EPG5: variants seen among roughly 807,000 people sequenced by gnomAD.
EPG5 encodes ectopic P granules protein 5 homolog.
Under a neutral mutation model 302.7 loss-of-function variants are expected in EPG5, and 159 were observed. The ratio of observed to expected loss-of-function variants is 0.53; its 90% CI spans 0.46 to 0.60. EPG5 has a LOEUF of 0.60. Among genes scored for constraint, EPG5 ranks in the 20% least tolerant of loss-of-function variants. The probability of loss-of-function intolerance (pLI) is 0.00; values close to 1 mark genes in which losing one functional copy is unlikely to be tolerated. For synonymous variants in EPG5, 1,158 were observed against 1,136.8 expected, an observed-to-expected ratio of 1.02 and a Z score of -0.37; for missense variants, 2,896 against 3,092.4, an observed-to-expected ratio of 0.94 and a Z score of 1.51.
At chr18:45,869,104 T>C (rs1599452057) in intron 36 of EPG5, among the ~76,000 whole-genome samples, 1 of 151,744 alleles carries the variant, frequency 6.6e-6, no homozygotes, top group Non-Finnish European at 1.5e-5. Context: ...CTATAAAGTA[T>C]ATAAGAAACC....
chr18:45,917,032 C>T (rs777168782), intron 17 of EPG5, among the ~76,000 whole-genome samples: 2 of 152,180 alleles, frequency 1.3e-5, no homozygotes, highest in Non-Finnish European at 2.9e-5. Flanking sequence ...GGGGGAGAAA[C>T]CTGGGAATCC....
chr18:45,884,686 C>A lies in EPG5; in HGVS notation c.5235G>T (p.Gln1745His), dbSNP rs757506077. ...TPNAAPAEFI[Q>H]LYEQVVKFLS... Reference sequence around the variant, plus strand: ...GAAACTTCACCACTTGCTCATACAGCTGTATGAACTCTGCAGGTGCAGCAT... The same window carrying A: ...GAAACTTCACCACTTGCTCATACAGATGTATGAACTCTGCAGGTGCAGCAT... Residue 1745 changes from glutamine to histidine, a missense_variant, in exon 30 of 44, where the codon CAG becomes CAT. Gln to His is a conservative substitution (Grantham distance 24). Coordinates refer to ENST00000282041, the MANE Select transcript of EPG5 (RefSeq NM_020964.3). 5.6e-6 allele frequency: 9 copies of A among 1,611,746 alleles called. No individual in the cohort carries two copies. In the East Asian group the frequency reaches 1.3e-4, roughly 24 times the overall value.
intron 7 of EPG5, among the ~76,000 whole-genome samples, chr18:45,946,392 AT>A (rs2050784585): frequency 6.6e-6 from 1 of 152,220 alleles, no homozygotes; most frequent in African/African-American, 2.4e-5. Context: ...GAACAGAATG[AT>A]ATTCTAGAGA....
In EPG5 at chr18:45,865,765, C is replaced by CAAAAAAAAAAAA. The variant is rs11333207; in HGVS notation, c.6622-18_6622-7dup. On this transcript the variant is annotated splice_region_variant and splice_polypyrimidine_tract_variant and intron_variant, in intron 38 of 43. Coordinates refer to ENST00000282041, the MANE Select transcript of EPG5 (RefSeq NM_020964.3). ...TGGCATTTTGGAACTGCATCCTGAC[C>CAAAAAAAAAAAA]AAAAAAAAAAAAAAAAATCATTCAA... 406 of 1,411,396 alleles carry CAAAAAAAAAAAA rather than the reference C, an allele frequency of 2.9e-4. 1 individual carries two copies. In the African/African-American group the frequency reaches 5.5e-3, roughly 19 times the overall value. 87.4% of individuals were successfully genotyped at this position (1,411,396 alleles called of 1,614,324 possible). A position where few individuals can be genotyped will look rare whatever the true frequency, so the allele number is the denominator to read the frequency against.
chr18:45,819,131 T>C, the EPG5 span, among the ~76,000 whole-genome samples: 26 of 152,346 alleles, frequency 1.7e-4, no homozygotes, highest in African/African-American at 6.3e-4. Context: ...AACTTAGAAA[T>C]ATCTCCATTT....
In EPG5 at chr18:45,922,535, G is replaced by T. The variant is rs1454534885; in HGVS notation, c.2904C>A (p.Ala968=). 2 of 1,614,140 alleles carry T rather than the reference G, an allele frequency of 1.2e-6. No homozygotes were observed. The highest frequency in any genetic ancestry group is 1.7e-6 in the Non-Finnish European group (2 of 1,180,020). ...GTTTTAGCCTCAAGATTAAATTCCA[G>T]GCCCATTGGTTAAATGAGGTCTCGG... is the stretch of plus-strand genomic sequence containing the variant. ...ETPETSFNQW[A]WNLILRLKLH... The change falls in exon 16 of 44, where the codon GCC becomes GCA. Residue 968 remains alanine, a synonymous_variant. Transcript: ENST00000282041.
intron 11 of EPG5, 93 bp downstream of exon 11, chr18:45,934,716 T>G: frequency 7.2e-7 from 1 of 1,391,688 alleles, no homozygotes; most frequent in Non-Finnish European, 9.7e-7. Flanking sequence ...TAAAACATTT[T>G]CTCTTAGTCC....
At chr18:45,936,853 C>T (rs1305610771) in intron 10 of EPG5, among the ~76,000 whole-genome samples, 1 of 147,314 alleles carries the variant, frequency 6.8e-6, no homozygotes, top group African/African-American at 2.5e-5. Context: ...ACAACTACTA[C>T]AAATCATCCA....
rs778365667 is a variant in EPG5 at position 45,852,661 on chromosome 18, G to A, written c.7558-12C>T. On this transcript the variant is annotated splice_polypyrimidine_tract_variant and intron_variant, in intron 43 of 43. Transcript: ENST00000282041. Reference sequence around the variant, plus strand: ...AGAGCATTCAGAGCCTAAAAGACACGGAAGATGAGAGGGTTAACTCCATAG... The same window carrying A: ...AGAGCATTCAGAGCCTAAAAGACACAGAAGATGAGAGGGTTAACTCCATAG... 50 of 1,611,952 alleles carry A rather than the reference G, an allele frequency of 3.1e-5. No individual in the cohort carries two copies. The highest frequency in any genetic ancestry group is 4.1e-5 in the Non-Finnish European group (48 of 1,178,768).
At chr18:45,949,383 C>CT (rs2050854243) in intron 5 of EPG5, 101 bp downstream of exon 5, 1 of 641,218 alleles carries the variant, frequency 1.6e-6, no homozygotes, top group Non-Finnish European at 2.6e-6. Context: ...AAATATTACT[C>CT]TTTTTTAAAT....
rs762230398 is a variant in EPG5, at chr18:45,866,948, A to G, written c.6471T>C (p.Asp2157=). The G allele has an allele frequency of 6.2e-7, 1 of 1,614,230 alleles. No homozygotes were observed. Among genetic ancestry groups the G allele is most frequent in the Non-Finnish European group, 8.5e-7 (1 of 1,180,036 alleles). ...QTSSLSWHLV[D]IVSYQSVLSY... ...TTAGCACACTCTGGTACGACACAATATCCACAAGATGCCATGAAAGTGAGC... is the reference window on the plus strand; with the variant it reads ...TTAGCACACTCTGGTACGACACAATGTCCACAAGATGCCATGAAAGTGAGC... Residue 2157 remains aspartate (D), a synonymous_variant, in exon 38 of 44, where the codon GAT becomes GAC. Coordinates refer to ENST00000282041, the MANE Select transcript of EPG5 (RefSeq NM_020964.3).
chr18:45,908,273 C>G (rs971041628), intron 23 of EPG5, among the ~76,000 whole-genome samples, 192 bp from the exon 24 acceptor site: 45 of 151,948 alleles, frequency 3.0e-4, no homozygotes, highest in African/African-American at 1.1e-3. Flanking sequence ...ACAGATTATT[C>G]AAATATGATG....
intron 1 of EPG5, among the ~76,000 whole-genome samples, chr18:45,960,711 G>A (rs939894179): frequency 6.6e-6 from 1 of 152,126 alleles, no homozygotes; most frequent in Non-Finnish European, 1.5e-5. Flanking sequence ...TTATTTCCAG[G>A]AGATGGAATT....
At chr18:45,800,827 A>G in the EPG5 span, among the ~76,000 whole-genome samples, 1 of 152,178 alleles carries the variant, frequency 6.6e-6, no homozygotes, top group Non-Finnish European at 1.5e-5. Context: ...ACGATGTTCA[A>G]AGAAAGTTCA....
At chr18:45,962,457 G>A (rs151002678) in intron 1 of EPG5, among the ~76,000 whole-genome samples, 5 of 152,306 alleles carry the variant, frequency 3.3e-5, no homozygotes, top group East Asian at 1.9e-4. Flanking sequence ...AGAATCTACT[G>A]TACTTATAAA....
Position 45,851,340 on chromosome 18 carries a change from CAAG to C in EPG5, c.*1124_*1126del, listed in dbSNP as rs1227481643. ...TCATTCCCAGGAGAAATAACATGAG[CAAG>C]AAGATGGCCACAGAACAAGGCAAAG... On this transcript the variant is annotated 3_prime_UTR_variant, in exon 44 of 44. Transcript: ENST00000282041. The C allele has an allele frequency of 6.6e-6, 1 of 152,076 alleles. No individual in the cohort carries two copies. Among genetic ancestry groups the C allele is most frequent in the African/African-American group, 2.4e-5 (1 of 41,382 alleles). 9.4% of individuals were successfully genotyped at this position (152,076 alleles called of 1,614,324 possible). A position where few individuals can be genotyped will look rare whatever the true frequency, so the allele number is the denominator to read the frequency against.
rs1568103466 is a variant in EPG5 at position 45,866,976 on chromosome 18, G to A, written c.6443C>T (p.Thr2148Ile). Reference sequence around the variant, plus strand: ...CACAAGATGCCATGAAAGTGAGCTTGTCTGTCCAAGGAGACTAAGTAAAGG... The same window carrying A: ...CACAAGATGCCATGAAAGTGAGCTTATCTGTCCAAGGAGACTAAGTAAAGG... ...DSPLLSLLGQTSSLSWHLVDI... is the reference protein window; with the variant it reads ...DSPLLSLLGQISSLSWHLVDI... Residue 2148 changes from threonine to isoleucine, a missense_variant, in exon 38 of 44, where the codon ACA becomes ATA. Around this residue, in one of 5 missense-constraint regions of EPG5, gnomAD observed 620 missense variants for 704.2 expected, o/e 0.88. Transcript: ENST00000282041. 6.2e-7 allele frequency: 1 copy of A among 1,614,130 alleles called. No homozygotes were observed. The highest frequency in any genetic ancestry group is 8.5e-7 in the Non-Finnish European group (1 of 1,179,970).
the EPG5 span, among the ~76,000 whole-genome samples, chr18:45,829,936 C>G: frequency 6.6e-6 from 1 of 152,196 alleles, no homozygotes; most frequent in African/African-American, 2.4e-5. Context: ...TCTGTAAGGG[C>G]ACCCCCTCTG....
Position 45,915,596 on chromosome 18 carries a change from C to T in EPG5, c.3608G>A (p.Arg1203Gln), listed in dbSNP as rs200186919. Residue 1203 changes from arginine (R) to glutamine (Q), a missense_variant, in exon 20 of 44, where the codon CGG becomes CAG. Physicochemically the swap from Arg to Gln is conservative, Grantham distance 43. Transcript: ENST00000282041. ...HKNALGYHCDRSLLSSLVSWI... is the reference protein window; with the variant it reads ...HKNALGYHCDQSLLSSLVSWI... ...GCTTACCAAAGATGAGAGCAGACTC[C>T]GGTCACAGTGGTAACCCAAGGCATT... is the stretch of plus-strand genomic sequence containing the variant. The T allele has an allele frequency of 9.1e-5, 147 of 1,614,082 alleles. 1 individual carries two copies. The African/African-American group carries it at 1.6e-3, about 18-fold the overall frequency.
Sources: allele counts gnomAD v4.1 joint callset (sites outside exome capture counted in the v4.1 genomes callset), GRCh38; gene constraint gnomAD v4.1.1; regional missense constraint gnomAD v4.1.1; transcripts MANE v1.5; gene names NCBI Gene and HGNC (gene_info 2026-07-23, HGNC 2026-07-21).